The following NCOA2 variants were observed in gnomAD, a reference collection of about 807,000 sequenced individuals.
The protein encoded by NCOA2 is nuclear receptor coactivator 2.
A neutral mutation model predicts 145.1 loss-of-function variants in NCOA2; 21 were observed. The ratio of observed to expected loss-of-function variants is 0.14; its 90% confidence interval spans 0.10 to 0.21. NCOA2 has a LOEUF of 0.21. Ranked by LOEUF, NCOA2 falls within the 10% of genes least tolerant of loss-of-function variation. NCOA2 has a pLI of 1.00. For synonymous variants in NCOA2, 619 were observed against 637.5 expected, an observed-to-expected ratio of 0.97 and a Z score of 0.44; for missense variants, 1,472 against 1,837.6, an observed-to-expected ratio of 0.80 and a Z score of 3.64.
At chr8:70,136,871 C>T (rs1809793672) in intron 15 of NCOA2, among the ~76,000 whole-genome samples, 1 of 152,190 alleles carries the variant, frequency 6.6e-6, no homozygotes, top group Admixed American at 6.5e-5. Context: ...TTCTTCCACA[C>T]TGAATTATTT....
the NCOA2 span, among the ~76,000 whole-genome samples, chr8:70,442,161 A>AAGAAAGAAAGGAAGAAAGAAAGAAAGAG: frequency 7.0e-6 from 1 of 142,924 alleles, no homozygotes; most frequent in Non-Finnish European, 1.5e-5. Flanking sequence ...GAAAGAAAGA[A>AAGAAAGAAAGGAAGAAAGAAAGAAAGAG]AGAGAAAGGC....
chr8:70,445,809 C>T, the NCOA2 span, among the ~76,000 whole-genome samples: 5 of 152,162 alleles, frequency 3.3e-5, no homozygotes, highest in African/African-American at 7.2e-5. Flanking sequence ...AATCATTTAA[C>T]TATGCAAGAA....
chr8:70,174,652 T>C (rs1814629080), intron 5 of NCOA2, 104 bp downstream of exon 5: 5 of 1,069,910 alleles, frequency 4.7e-6, no homozygotes, highest in Admixed American at 1.8e-5. Flanking sequence ...ATAGTACTAG[T>C]ACTAGTGTGG....
intron 1 of NCOA2, among the ~76,000 whole-genome samples, chr8:70,377,903 T>C (rs1291179282): frequency 6.6e-6 from 1 of 152,156 alleles, no homozygotes; most frequent in Non-Finnish European, 1.5e-5. Flanking sequence ...ACAAGTCTGA[T>C]AGTCAGTACT....
intron 2 of NCOA2, among the ~76,000 whole-genome samples, chr8:70,295,998 G>A (rs1202964981): frequency 6.6e-6 from 1 of 152,152 alleles, no homozygotes; most frequent in African/African-American, 2.4e-5. Context: ...TATTTACAAA[G>A]TTCAGTGTCT....
chr8:70,281,585 C>T (rs1054105549), intron 2 of NCOA2, among the ~76,000 whole-genome samples: 6 of 151,976 alleles, frequency 3.9e-5, no homozygotes, highest in South Asian at 2.1e-4. Flanking sequence ...AAACTCATCA[C>T]CCCCCACCTC....
intron 2 of NCOA2, among the ~76,000 whole-genome samples, chr8:70,249,739 G>C (rs1822945293): frequency 6.6e-6 from 1 of 152,000 alleles, no homozygotes; most frequent in Admixed American, 6.6e-5. Flanking sequence ...GAGGCGGGCA[G>C]ATCACCTGAG....
chr8:70,392,402 T>C (rs988236128), intron 1 of NCOA2, among the ~76,000 whole-genome samples: 1 of 152,228 alleles, frequency 6.6e-6, no homozygotes, highest in Non-Finnish European at 1.5e-5. Flanking sequence ...TTCTGACTTA[T>C]TCTGCAAATA....
At chr8:70,220,435 A>G (rs907178574) in intron 2 of NCOA2, among the ~76,000 whole-genome samples, 1 of 152,206 alleles carries the variant, frequency 6.6e-6, no homozygotes, top group Admixed American at 6.5e-5. Context: ...CAAATCATCC[A>G]TTCTTGTTAT....
upstream of NCOA2, among the ~76,000 whole-genome samples, chr8:70,404,846 A>C (rs1308471750): frequency 2.0e-5 from 3 of 152,194 alleles, no homozygotes; most frequent in Non-Finnish European, 4.4e-5. Context: ...TGGAAAAGCA[A>C]GTTTTTTTTC....
chr8:70,241,922 A>T (rs1278441570), intron 2 of NCOA2, among the ~76,000 whole-genome samples: 1 of 152,164 alleles, frequency 6.6e-6, no homozygotes, highest in African/African-American at 2.4e-5. Flanking sequence ...AGCCTTTAAA[A>T]TTTTATTTTT....
At chr8:70,163,666 A>C (rs770872466) in intron 7 of NCOA2, 100 bp from the exon 8 acceptor site, 90 of 811,402 alleles carry the variant, frequency 1.1e-4, no homozygotes, top group Middle Eastern at 2.3e-4. Context: ...TTAAAAAAGC[A>C]GTAAGGGAGA....
At chr8:70,449,789 G>A in the NCOA2 span, among the ~76,000 whole-genome samples, 1 of 152,332 alleles carries the variant, frequency 6.6e-6, no homozygotes, top group African/African-American at 2.4e-5. Flanking sequence ...CTAGACCAGA[G>A]AACAGGAAAG....
At chr8:70,264,910 T>G (rs1763950623) in intron 2 of NCOA2, among the ~76,000 whole-genome samples, 1 of 152,110 alleles carries the variant, frequency 6.6e-6, no homozygotes, top group South Asian at 2.1e-4. Flanking sequence ...AACTGAGCTT[T>G]AAAACCTAAA....
At chr8:70,165,430 T>A (rs141390258) in intron 7 of NCOA2, among the ~76,000 whole-genome samples, 476 of 152,340 alleles carry the variant, frequency 3.1e-3, no homozygotes, top group African/African-American at 0.01. Flanking sequence ...CTGTCCAAAG[T>A]CCCAGAGCTG....
At chr8:70,413,164 A>C in the NCOA2 span, among the ~76,000 whole-genome samples, 14 of 151,986 alleles carry the variant, frequency 9.2e-5, no homozygotes, top group African/African-American at 3.4e-4. Flanking sequence ...ATCTGAATGC[A>C]TAATCAATGA....
At position 70,114,168 on chromosome 8, in the gene NCOA2, A is replaced by G. The variant is rs1220138994; in HGVS notation, c.4384-525T>C. Among the ~76,000 whole-genome samples the G allele has an allele frequency of 2.0e-5, 3 of 152,060 alleles. No individual in the cohort carries two copies. The East Asian group carries it at 5.8e-4, about 29-fold the overall frequency. ...GTTCTCCCTGGCTTCAGCAAGCTAG[A>G]TCATGATGGGTTTTGACTCCTGGGG... On this transcript the variant is annotated intron_variant, in intron 22 of 22. Transcript: ENST00000452400.
At chr8:70,249,822 G>C (rs545184868) in intron 2 of NCOA2, among the ~76,000 whole-genome samples, 1 of 151,504 alleles carries the variant, frequency 6.6e-6, no homozygotes, top group East Asian at 2.0e-4. Flanking sequence ...AAATTAGATG[G>C]GCGTGGTGGT....
intron 1 of NCOA2, among the ~76,000 whole-genome samples, chr8:70,344,961 A>G (rs748407089): frequency 6.6e-6 from 1 of 152,242 alleles, no homozygotes; most frequent in Non-Finnish European, 1.5e-5. Context: ...GTTCTGTAGT[A>G]AATTACAATG....
Sources: gnomAD v4.1 joint callset for allele counts (sites outside exome capture counted in the v4.1 genomes callset) on GRCh38, gnomAD v4.1.1 for gene constraint, MANE v1.5 for transcripts, NCBI Gene and HGNC (gene_info 2026-07-23, HGNC 2026-07-21) for gene names.